Variants in NRXN3 observed in about 807,000 individuals in gnomAD.
NRXN3 encodes the protein neurexin 3, also known as neurexin III.
NRXN3 carries 32 observed loss-of-function variants against 137.6 expected under a neutral mutation model. That is an observed-to-expected ratio of 0.23 (90% confidence interval 0.18 to 0.31). The LOEUF is 0.31. Ranked by LOEUF, NRXN3 falls within the 10% of genes least tolerant of loss-of-function variation. The pLI is 1.00. For synonymous variants in NRXN3, 798 were observed against 784.5 expected (o/e 1.02, Z -0.29); for missense variants, 1,574 against 2,062.5 (o/e 0.76, Z 4.59).
intron 15 of NRXN3, among the ~76,000 whole-genome samples, chr14:79,169,704 T>C (rs2061600116): frequency 6.6e-6 from 1 of 152,178 alleles, no homozygotes; most frequent in African/African-American, 2.4e-5. Flanking sequence ...TGTTTTCAAA[T>C]ATAATTCACA....
intron 2 of NRXN3, among the ~76,000 whole-genome samples, chr14:78,264,482 A>T (rs577149087): frequency 1.3e-5 from 2 of 152,130 alleles, no homozygotes; most frequent in South Asian, 4.1e-4. Context: ...TCAGTGGCAG[A>T]GTTGGGGAGG....
intron 4 of NRXN3, chr14:78,614,822 A>C: frequency 2.7e-6 from 1 of 365,768 alleles, no homozygotes; most frequent in East Asian, 7.4e-5. Context: ...AGGTAATGAA[A>C]CAACTCTTGT....
intron 14 of NRXN3, among the ~76,000 whole-genome samples, chr14:78,972,329 G>T (rs2099444838): frequency 6.6e-6 from 1 of 152,120 alleles, no homozygotes; most frequent in African/African-American, 2.4e-5. Flanking sequence ...CAACTATTTG[G>T]GTTTGGATAT....
At chr14:78,991,559 A>G (rs1480271026) in intron 15 of NRXN3, among the ~76,000 whole-genome samples, 1 of 152,210 alleles carries the variant, frequency 6.6e-6, no homozygotes. Flanking sequence ...TGAACATGAA[A>G]ACACTTCAGT....
At position 79,862,517 on chromosome 14, in the gene NRXN3, G is replaced by A. The variant is rs2099415275; in HGVS notation, c.*553G>A. ...AAAAAAAACCCACAACCCTTATCTG[G>A]TTCTGACCAGTGTGCGTGTAACTTT... is the stretch of plus-strand genomic sequence containing the variant. On this transcript the variant is annotated 3_prime_UTR_variant, in exon 21 of 21. Coordinates refer to ENST00000335750, the MANE Select transcript of NRXN3 (RefSeq NM_001330195.2). The A allele has an allele frequency of 6.6e-6, 1 of 152,086 alleles. No homozygotes were observed. Among genetic ancestry groups the A allele is most frequent in the South Asian group, 2.1e-4 (1 of 4,810 alleles). The allele number at this position is 152,086 out of a possible 1,614,324, so 9.4% of individuals were successfully genotyped here.
At chr14:79,725,678 A>C (rs1254731510) in intron 19 of NRXN3, among the ~76,000 whole-genome samples, 1 of 152,184 alleles carries the variant, frequency 6.6e-6, no homozygotes, top group Non-Finnish European at 1.5e-5. Flanking sequence ...GTTTTGTGAT[A>C]TTTCAGTGAA....
chr14:79,575,543 TTAACAA>T lies in NRXN3; in HGVS notation c.3445-88228_3445-88223del, dbSNP rs1306357410. Among the ~76,000 whole-genome samples the T allele has an allele frequency of 5.3e-5, 8 of 152,288 alleles. No individual in the cohort carries two copies. The South Asian group carries it at 1.0e-3, about 20-fold the overall frequency. Reference sequence around the variant, plus strand: ...ACTGAAGAAAGGCTCTATATTTTATTTAACAATAACAACAACAAAAATCAAAGTGCT... The same window carrying T: ...ACTGAAGAAAGGCTCTATATTTTATTTAACAACAACAAAAATCAAAGTGCT... On this transcript the variant is annotated intron_variant, in intron 16 of 20. Coordinates refer to ENST00000335750, the MANE Select transcript of NRXN3 (RefSeq NM_001330195.2).
chr14:78,615,097 T>G (rs2097334742), intron 4 of NRXN3: 1 of 456,526 alleles, frequency 2.2e-6, no homozygotes, highest in Non-Finnish European at 4.4e-6. Flanking sequence ...GTTGAGGTTT[T>G]GAAACAACTG....
At chr14:79,522,463 A>G (rs528688535) in intron 16 of NRXN3, among the ~76,000 whole-genome samples, 11 of 152,166 alleles carry the variant, frequency 7.2e-5, no homozygotes, top group Non-Finnish European at 1.3e-4. Flanking sequence ...TGAAATAATA[A>G]TGGAATTCAT....
intron 8 of NRXN3, among the ~76,000 whole-genome samples, chr14:78,771,938 T>C (rs2098729523): frequency 6.6e-6 from 1 of 152,188 alleles, no homozygotes; most frequent in Non-Finnish European, 1.5e-5. Context: ...TCTGGGGATA[T>C]TTACATGTAC....
At chr14:79,494,594 T>C (rs2096748973) in intron 16 of NRXN3, among the ~76,000 whole-genome samples, 1 of 152,230 alleles carries the variant, frequency 6.6e-6, no homozygotes, top group Non-Finnish European at 1.5e-5. Context: ...GGGGTTGCAG[T>C]TGCCCTTTTA....
intron 19 of NRXN3, among the ~76,000 whole-genome samples, chr14:79,735,762 A>T (rs575424501): frequency 9.6e-4 from 146 of 152,280 alleles, no homozygotes; most frequent in African/African-American, 3.5e-3. Context: ...TCCTGATCTA[A>T]TAGGGCTGTT....
At chr14:79,230,678 C>T (rs2072009946) in intron 15 of NRXN3, among the ~76,000 whole-genome samples, 2 of 152,110 alleles carry the variant, frequency 1.3e-5, no homozygotes, top group South Asian at 4.1e-4. Context: ...CTAATTAATT[C>T]ATTTCATGGA....
intron 20 of NRXN3, among the ~76,000 whole-genome samples, chr14:79,827,764 G>A (rs994979042): frequency 6.7e-6 from 1 of 148,952 alleles, no homozygotes; most frequent in African/African-American, 2.5e-5. Flanking sequence ...TCGTGATCTC[G>A]GCTCACTGCA....
At chr14:79,475,028 G>A (rs1313273237) in intron 16 of NRXN3, among the ~76,000 whole-genome samples, 4 of 151,978 alleles carry the variant, frequency 2.6e-5, no homozygotes, top group Non-Finnish European at 5.9e-5. Context: ...TCGTATACTC[G>A]GGGATAGAGC....
At chr14:79,495,947 T>TAA (rs772032242) in intron 16 of NRXN3, among the ~76,000 whole-genome samples, 3 of 131,766 alleles carry the variant, frequency 2.3e-5, no homozygotes, top group African/African-American at 8.4e-5. Context: ...AGTCAAGTGC[T>TAA]AAAAAAAAAA....
At chr14:78,691,927 A>T (rs560789137) in intron 6 of NRXN3, among the ~76,000 whole-genome samples, 52 of 152,302 alleles carry the variant, frequency 3.4e-4, no homozygotes, top group African/African-American at 1.2e-3. Context: ...TAAAAGCATG[A>T]CCAATAAACA....
intron 4 of NRXN3, among the ~76,000 whole-genome samples, chr14:78,460,206 A>G (rs1567655418): frequency 6.6e-6 from 1 of 152,248 alleles, no homozygotes; most frequent in Non-Finnish European, 1.5e-5. Flanking sequence ...ACCACCCTCC[A>G]GGAACCTCGA....
chr14:79,435,593 T>TACAC (rs35554281), intron 15 of NRXN3, among the ~76,000 whole-genome samples: 10,324 of 143,622 alleles, frequency 0.072, 412 homozygotes, highest in African/African-American at 0.095. Flanking sequence ...AACACTAAGA[T>TACAC]ACACACACAC....
Sources: gnomAD v4.1 joint callset for allele counts (sites outside exome capture counted in the v4.1 genomes callset) on GRCh38, gnomAD v4.1.1 for gene constraint, MANE v1.5 for transcripts, NCBI Gene and HGNC (gene_info 2026-07-23, HGNC 2026-07-21) for gene names.